DPF1: variants seen among roughly 807,000 people sequenced by gnomAD.
DPF1 encodes the protein double PHD fingers 1.
A neutral mutation model predicts 58.7 loss-of-function variants in DPF1; 14 were observed. The observed-to-expected ratio is 0.24, with a 90% CI of 0.16 to 0.37. The LOEUF is 0.37. DPF1 is among the 10% of genes least tolerant of loss of function. DPF1 has a pLI of 1.00. For missense variants in DPF1, 345 were observed against 529.9 expected (o/e 0.65, Z 3.43); for synonymous variants, 216 against 216.0 (o/e 1.00, Z 0.00).
At position 38,222,286 on chromosome 19, in the gene DPF1, GGTGATGGACGA is replaced by G. The variant is rs1568636563; in HGVS notation, c.298+60_298+70del. 16 of 1,315,746 alleles carry G rather than the reference GGTGATGGACGA, an allele frequency of 1.2e-5. No homozygotes were observed. In the African/African-American group the frequency reaches 2.2e-4, roughly 18 times the overall value. The allele number at this position is 1,315,746 out of a possible 1,614,324, so 81.5% of individuals were successfully genotyped here. A position where few individuals can be genotyped will look rare whatever the true frequency, so the allele number is the denominator to read the frequency against. On this transcript the variant is annotated intron_variant, in intron 3 of 11. Transcript: ENST00000355526. The surrounding 1 kb of genome is among the most constrained non-coding windows in gnomAD (Gnocchi z 4.9). The stretch of plus-strand genomic sequence containing the variant: ...CAGACACTTGCTAGAAGGCGATAAA[GGTGATGGACGA>G]GTGCTAGGACACACAGCAGGCGCTG...
chr19:38,225,258 T>C (rs1967765090), upstream of DPF1, among the ~76,000 whole-genome samples: 2 of 134,772 alleles, frequency 1.5e-5, no homozygotes, highest in South Asian at 2.3e-4. Flanking sequence ...AATAAATAAA[T>C]AAATAATAAG....
rs777631523 is a variant in DPF1, at chr19:38,222,487, GGGC to G, written c.191-26_191-24del. On this transcript the variant is annotated intron_variant, in intron 2 of 11. Transcript: ENST00000355526. This position sits in a 1 kb window ranked among gnomAD's most constrained non-coding sequence, Gnocchi z 4.9. ...AACCTGGAGAGAGAGGGGGGTGAGAGGGCGGCGGCGGTGGGGCGGCCTGGCCCC... is the reference window on the plus strand; with the variant it reads ...AACCTGGAGAGAGAGGGGGGTGAGAGGGCGGCGGTGGGGCGGCCTGGCCCC... 12 of 1,580,688 alleles carry G rather than the reference GGGC, an allele frequency of 7.6e-6. No homozygotes were observed. The highest frequency in any genetic ancestry group is 7.0e-5 in the African/African-American group (5 of 71,836).
chr19:38,229,443 C>G lies in DPF1; in HGVS notation c.-132+116G>C. The G allele has an allele frequency of 2.0e-6, 1 of 489,694 alleles. No homozygotes were observed. Among genetic ancestry groups the G allele is most frequent in the Non-Finnish European group, 2.8e-6 (1 of 357,440 alleles). The allele number at this position is 489,694 out of a possible 1,614,324, so 30.3% of individuals were successfully genotyped here. A position where few individuals can be genotyped will look rare whatever the true frequency, so the allele number is the denominator to read the frequency against. Reference sequence around the variant, plus strand: ...CCGGGGCAAGGGTTCGCGCTGGGGGCCCCCATTCAACTACGGTCCGCGCGC... The same window carrying G: ...CCGGGGCAAGGGTTCGCGCTGGGGGGCCCCATTCAACTACGGTCCGCGCGC... On this transcript the variant is annotated intron_variant, in intron 1 of 11. Coordinates refer to the DPF1 transcript ENST00000412732. The surrounding 1 kb of genome is among the most constrained non-coding windows in gnomAD (Gnocchi z 5.3).
upstream of DPF1, among the ~76,000 whole-genome samples, chr19:38,226,318 G>T (rs550774135): frequency 1.6e-4 from 16 of 103,016 alleles, no homozygotes; most frequent in Non-Finnish European, 2.0e-4. Context: ...TCTTCCACCC[G>T]GACCCCTGTA....
intron 9 of DPF1, among the ~76,000 whole-genome samples, chr19:38,215,127 C>T (rs1296964595): frequency 6.6e-6 from 1 of 151,606 alleles, no homozygotes; most frequent in Non-Finnish European, 1.5e-5. Flanking sequence ...GCCACATCAC[C>T]CAGCCTGGCC....
chr19:38,229,681 G>A, upstream of DPF1: 1 of 555,690 alleles, frequency 1.8e-6, no homozygotes, highest in South Asian at 7.4e-5. The surrounding 1 kb of genome is among the most constrained non-coding windows in gnomAD (Gnocchi z 5.3). Flanking sequence ...CTGCCGCCCA[G>A]CGCGCTACGA....
At position 38,217,785 on chromosome 19, in the gene DPF1, C is replaced by T; in HGVS notation, c.595+13G>A. On this transcript the variant is annotated intron_variant, in intron 6 of 11. Transcript: ENST00000355526. The stretch of plus-strand genomic sequence containing the variant: ...CCCTCTCTCTGCCTTTCCCCCTCTT[C>T]AGAAGGACTCACTATCACAGACATA... 6.2e-7 allele frequency: 1 copy of T among 1,614,060 alleles called. No homozygotes were observed.
intron 3 of DPF1, 80 bp from the exon 4 acceptor site, chr19:38,219,138 T>C: frequency 6.4e-7 from 1 of 1,571,934 alleles, no homozygotes. Flanking sequence ...GGGGGGACCA[T>C]GCTCTTTGCA....
chr19:38,212,238 T>TTGGG, intron 11 of DPF1, 42 bp downstream of exon 11: 5 of 585,136 alleles, frequency 8.5e-6, no homozygotes, highest in Non-Finnish European at 1.5e-5. Flanking sequence ...GAGATGGCGT[T>TTGGG]CCCACCCACC....
chr19:38,224,123 C>T lies in DPF1; in HGVS notation c.20G>A (p.Gly7Asp). The change falls in exon 1 of 12, where the codon GGC (glycine) becomes GAC (aspartate). Residue 7 changes from glycine (G) to aspartate (D), a missense_variant. By Grantham distance (94) the Gly-to-Asp change is moderately conservative (BLOSUM62 -1). Coordinates refer to ENST00000355526, the MANE Select transcript of DPF1 (RefSeq NM_001135155.3). The surrounding 1 kb of genome is among the most constrained non-coding windows in gnomAD (Gnocchi z 4.5). ...CGCCGGCCCGCACCACCTCAGGGGG[C>T]CAGGGATGACAGTGGCCATCTTGCT... MATVIP[G>D]PLSLGEDFYR... The T allele has an allele frequency of 6.7e-7, 1 of 1,493,988 alleles. No individual in the cohort carries two copies. Among genetic ancestry groups the T allele is most frequent in the Non-Finnish European group, 8.8e-7 (1 of 1,131,810 alleles). The allele number at this position is 1,493,988 out of a possible 1,614,324, so 92.5% of individuals were successfully genotyped here.
In DPF1 at chr19:38,222,594, G is replaced by T; in HGVS notation, c.144C>A (p.Ala48=). Residue 48 remains alanine (A), a synonymous_variant, in exon 2 of 12, where the codon GCC becomes GCA. Coordinates refer to ENST00000355526, the MANE Select transcript of DPF1 (RefSeq NM_001135155.3). The surrounding 1 kb of genome is among the most constrained non-coding windows in gnomAD (Gnocchi z 4.9). ...CCATCCAGATGTAGCAGTTGTTCTG[G>T]GCCACGCCGGTCTGCGAGTCGAGGA... ...LPFLDSQTGV[A]QNNCYIWMEK... is the part of the protein sequence containing the mutation. 1 of 1,611,948 alleles carries T rather than the reference G, an allele frequency of 6.2e-7. No individual in the cohort carries two copies. Among genetic ancestry groups the T allele is most frequent in the Non-Finnish European group, 8.5e-7 (1 of 1,179,226 alleles).
At chr19:38,214,355 C>T (rs1402523572) in intron 9 of DPF1, among the ~76,000 whole-genome samples, 3 of 152,222 alleles carry the variant, frequency 2.0e-5, no homozygotes, top group Non-Finnish European at 2.9e-5. Context: ...CCTGCAGCCA[C>T]GACCCATGGC....
At chr19:38,227,104 C>T (rs1366312756), upstream of DPF1, among the ~76,000 whole-genome samples, 1 of 140,190 alleles carries the variant, frequency 7.1e-6, no homozygotes, top group Non-Finnish European at 1.5e-5. Context: ...TTTTGGACAG[C>T]GTCTCACTCG....
At chr19:38,215,680 G>A (rs924540344) in intron 9 of DPF1, among the ~76,000 whole-genome samples, 1 of 151,926 alleles carries the variant, frequency 6.6e-6, no homozygotes, top group Non-Finnish European at 1.5e-5. Flanking sequence ...GGGAGCCTCC[G>A]GCCTCAGCCT....
intron 7 of DPF1, 48 bp downstream of exon 7, chr19:38,217,411 TC>T (rs1568628563): frequency 6.7e-6 from 6 of 893,148 alleles, no homozygotes; most frequent in Non-Finnish European, 3.2e-6. Context: ...GGGCTCCTCT[TC>T]CCCACTCCCA....
Position 38,211,963 on chromosome 19 carries a change from C to T in DPF1, c.*100G>A. 2 of 1,382,780 alleles carry T rather than the reference C, an allele frequency of 1.4e-6. No individual in the cohort carries two copies. The highest frequency in any genetic ancestry group is 2.0e-6 in the Non-Finnish European group (2 of 1,000,992). 85.7% of individuals were successfully genotyped at this position (1,382,780 alleles called of 1,614,324 possible). On this transcript the variant is annotated 3_prime_UTR_variant, in exon 12 of 12. Coordinates refer to ENST00000355526, the MANE Select transcript of DPF1 (RefSeq NM_001135155.3). This position sits in a 1 kb window ranked among gnomAD's most constrained non-coding sequence, Gnocchi z 4.0. ...CAGCCCCCTCTCGGCTTCCCCCTCT[C>T]CCCCTCCCCCTGCGGGATGTTCAGG...
upstream of DPF1, among the ~76,000 whole-genome samples, chr19:38,225,889 C>CAAAAA (rs35172798): frequency 7.8e-6 from 1 of 128,516 alleles, no homozygotes. Context: ...ACCCTGTCTC[C>CAAAAA]AAAAAAAAAA....
In DPF1 at chr19:38,222,378, T is replaced by C; in HGVS notation, c.277A>G (p.Arg93Gly). 3 of 1,590,798 alleles carry C rather than the reference T, an allele frequency of 1.9e-6. No homozygotes were observed. Among genetic ancestry groups the C allele is most frequent in the Non-Finnish European group, 2.6e-6 (3 of 1,173,866 alleles). The change falls in exon 3 of 12, where the codon AGG (arginine) becomes GGG (glycine). Residue 93 changes from arginine (R) to glycine (G), a missense_variant. By Grantham distance (125) the Arg-to-Gly change is moderately radical. Coordinates refer to ENST00000355526, the MANE Select transcript of DPF1 (RefSeq NM_001135155.3). This position sits in a 1 kb window ranked among gnomAD's most constrained non-coding sequence, Gnocchi z 4.9. ...CCACCGATCTTGTACTCGCAGGGCC[T>C]GAGTCTGGGGTCCTCCAGGATGTTG... ...RLNILEDPRL[R>G]PCEYKIDCEA...
At chr19:38,226,503 TAC>T (rs60328056), upstream of DPF1, among the ~76,000 whole-genome samples, 3,205 of 133,620 alleles carry the variant, frequency 0.024, 41 homozygotes, top group Non-Finnish European at 0.031. Context: ...CGGTCACTTC[TAC>T]ACACACACAC....
Sources: gnomAD v4.1 joint callset for allele counts (sites outside exome capture counted in the v4.1 genomes callset) on GRCh38, gnomAD v4.1.1 for gene constraint, Gnocchi (gnomAD v3.1) non-coding constraint, MANE v1.5 for transcripts, NCBI Gene and HGNC (gene_info 2026-07-23, HGNC 2026-07-21) for gene names.